Variants in PPP4R2 observed in about 807,000 individuals in gnomAD.
The protein encoded by PPP4R2 is serine/threonine-protein phosphatase 4 regulatory subunit 2.
In PPP4R2, 13 loss-of-function variants were observed where a neutral mutation model predicts 47.2. The observed-to-expected ratio is 0.28, with a 90% CI of 0.18 to 0.44. PPP4R2 has a LOEUF of 0.44. Among genes scored for constraint, PPP4R2 ranks in the 20% least tolerant of loss-of-function variants. The pLI is 1.00. For synonymous variants in PPP4R2, 151 were observed against 163.3 expected (o/e 0.92, Z 0.57); for missense variants, 421 against 491.2 (o/e 0.86, Z 1.35).
chr3:73,026,386 A>G (rs138500868), intron 2 of PPP4R2, among the ~76,000 whole-genome samples: 2 of 152,240 alleles, frequency 1.3e-5, no homozygotes, highest in East Asian at 1.9e-4. Context: ...ATTTTAAAAG[A>G]TACATGCAAG....
At chr3:73,056,300 G>GT (rs1702730515) in intron 3 of PPP4R2, among the ~76,000 whole-genome samples, 1 of 152,034 alleles carries the variant, frequency 6.6e-6, no homozygotes, top group African/African-American at 2.4e-5. Context: ...TTTTTATACA[G>GT]TGTTGTTATT....
rs1252201670 is a variant in PPP4R2, at chr3:73,000,276, G to A, written c.116+2118G>A. On this transcript the variant is annotated intron_variant, in intron 2 of 8. Coordinates refer to ENST00000356692, the MANE Select transcript of PPP4R2 (RefSeq NM_174907.4). Reference sequence around the variant, plus strand: ...TGGAATGTGGGAGGTTGAGGCTGCAGTGAGCCATGATGGTTGGTGCCACTG... The same window carrying A: ...TGGAATGTGGGAGGTTGAGGCTGCAATGAGCCATGATGGTTGGTGCCACTG... Among the ~76,000 whole-genome samples the A allele has an allele frequency of 3.9e-5, 6 of 152,326 alleles. No individual in the cohort carries two copies. The East Asian group carries it at 7.7e-4, about 20-fold the overall frequency.
chr3:73,058,628 A>G (rs1415492030), intron 3 of PPP4R2, among the ~76,000 whole-genome samples: 2 of 152,102 alleles, frequency 1.3e-5, no homozygotes, highest in African/African-American at 2.4e-5. Context: ...TGGGTTATCC[A>G]TCACCTCAAG....
intron 2 of PPP4R2, among the ~76,000 whole-genome samples, chr3:73,024,175 GTGTT>G (rs1313293783): frequency 1.3e-4 from 20 of 152,156 alleles, no homozygotes; most frequent in Middle Eastern, 3.4e-3. Flanking sequence ...AGGAAAATCA[GTGTT>G]TGGGTCTGAT....
At chr3:73,063,612 G>C in intron 5 of PPP4R2, 61 bp from the exon 6 acceptor site, 1 of 954,490 alleles carries the variant, frequency 1.0e-6, no homozygotes, top group Non-Finnish European at 1.7e-6. Flanking sequence ...TTGGGTGACA[G>C]AGCCAGACTC....
At chr3:73,037,617 A>T (rs1269526166) in intron 2 of PPP4R2, among the ~76,000 whole-genome samples, 4 of 152,220 alleles carry the variant, frequency 2.6e-5, no homozygotes, top group Admixed American at 2.6e-4. Flanking sequence ...CCTTTGGCTC[A>T]AGATGTCCAT....
At chr3:73,061,405 T>C (rs1035627699) in intron 5 of PPP4R2, 35 of 160,712 alleles carry the variant, frequency 2.2e-4, no homozygotes, top group Admixed American at 3.2e-4. Flanking sequence ...GAATAACTAC[T>C]TGATGGCTTT....
intron 8 of PPP4R2, 65 bp from the exon 9 acceptor site, chr3:73,065,332 G>T: frequency 6.9e-7 from 1 of 1,456,992 alleles, no homozygotes; most frequent in South Asian, 1.4e-5. Flanking sequence ...CAGAATTCAT[G>T]AAACTTAACT....
chr3:73,065,709 T>G lies in PPP4R2; in HGVS notation c.1241T>G (p.Met414Arg). The G allele has an allele frequency of 6.2e-7, 1 of 1,603,812 alleles. No individual in the cohort carries two copies. Among genetic ancestry groups the G allele is most frequent in the Non-Finnish European group, 8.5e-7 (1 of 1,172,380 alleles). The change falls in exon 9 of 9, where the codon ATG (methionine) becomes AGG (arginine). Residue 414 changes from methionine (M) to arginine (R), a missense_variant. Coordinates refer to ENST00000356692, the MANE Select transcript of PPP4R2 (RefSeq NM_174907.4). ...GCCACAGAAGTCACCGATGAACCAA[T>G]GGAACAAGACTAACTATTTAGAAAC... The part of the protein sequence containing the change: ...DEATEVTDEP[M>R]EQD
In PPP4R2 at chr3:73,061,006, G is replaced by A. The variant is rs1702846759; in HGVS notation, c.382-17G>A. 1 of 1,540,186 alleles carries A rather than the reference G, an allele frequency of 6.5e-7. No homozygotes were observed. Among genetic ancestry groups the A allele is most frequent in the Non-Finnish European group, 8.8e-7 (1 of 1,136,070 alleles). On this transcript the variant is annotated splice_polypyrimidine_tract_variant and intron_variant, in intron 4 of 8. Transcript: ENST00000356692. ...GTACTTTTCTTCATACTAAATCACT[G>A]ATTTTTGTTATTGCAGAATGTGATG...
intron 2 of PPP4R2, among the ~76,000 whole-genome samples, chr3:73,035,045 G>T (rs918307491): frequency 6.6e-6 from 1 of 151,968 alleles, no homozygotes; most frequent in Non-Finnish European, 1.5e-5. Flanking sequence ...TTCTGACAAG[G>T]GATTAATAAC....
intron 4 of PPP4R2, among the ~76,000 whole-genome samples, chr3:73,060,342 C>T (rs1038428153): frequency 2.0e-5 from 3 of 152,146 alleles, no homozygotes; most frequent in African/African-American, 7.2e-5. Flanking sequence ...TGGAGATTTT[C>T]AGATAAAGTA....
chr3:73,011,957 G>A (rs568199881), intron 2 of PPP4R2, among the ~76,000 whole-genome samples: 2 of 152,240 alleles, frequency 1.3e-5, no homozygotes, highest in African/African-American at 2.4e-5. Flanking sequence ...AAAGTGCGAG[G>A]TCTTAACATT....
At chr3:73,010,232 G>GT (rs144239015) in intron 2 of PPP4R2, among the ~76,000 whole-genome samples, 7,251 of 151,554 alleles carry the variant, frequency 0.048, 580 homozygotes, top group African/African-American at 0.17. Context: ...TTTTTGTTTT[G>GT]TTTTTTTTGA....
intron 5 of PPP4R2, chr3:73,063,054 T>C (rs1702904273): frequency 1.3e-6 from 1 of 763,760 alleles, no homozygotes; most frequent in African/African-American, 1.8e-5. Flanking sequence ...TGGGGAAATA[T>C]TTTGAGTTTG....
chr3:73,060,995 A>T (rs749208683), intron 4 of PPP4R2, 28 bp from the exon 5 acceptor site: 42 of 1,514,528 alleles, frequency 2.8e-5, no homozygotes, highest in Non-Finnish European at 3.8e-5. Context: ...TTTTCTTCAT[A>T]CTAAATCACT....
chr3:73,018,465 A>ATGTTATGTTATGTTT (rs1295553516), intron 2 of PPP4R2, among the ~76,000 whole-genome samples: 5 of 88,856 alleles, frequency 5.6e-5, no homozygotes, highest in Non-Finnish European at 1.1e-4. Flanking sequence ...ATGTTATGTT[A>ATGTTATGTTATGTTT]GTATCCGAAA....
At chr3:73,000,534 T>G (rs1030413346) in intron 2 of PPP4R2, among the ~76,000 whole-genome samples, 1 of 152,174 alleles carries the variant, frequency 6.6e-6, no homozygotes, top group Admixed American at 6.6e-5. Flanking sequence ...TATAGGCTTT[T>G]ACAATGGAGG....
chr3:73,054,204 C>T (rs375927964), intron 3 of PPP4R2, among the ~76,000 whole-genome samples: 65 of 152,322 alleles, frequency 4.3e-4, no homozygotes, highest in African/African-American at 1.4e-3. Flanking sequence ...AGGCGTGAGC[C>T]GCCGTGCTCA....
Sources: allele counts gnomAD v4.1 joint callset (sites outside exome capture counted in the v4.1 genomes callset), GRCh38; gene constraint gnomAD v4.1.1; transcripts MANE v1.5; gene names NCBI Gene and HGNC (gene_info 2026-07-23, HGNC 2026-07-21).